Variants in DIAPH3 observed in about 807,000 individuals in gnomAD.
DIAPH3 encodes the protein protein diaphanous homolog 3.
DIAPH3 carries 117 observed loss-of-function variants against 144.3 expected under a neutral mutation model. The ratio of observed to expected loss-of-function variants is 0.81; its 90% CI spans 0.70 to 0.95. The LOEUF (loss-of-function observed/expected upper bound fraction) is 0.95, where lower values mean the gene tolerates loss of function less well. Ranked by LOEUF, DIAPH3 falls within the 40% of genes least tolerant of loss-of-function variation. DIAPH3 has a pLI of 0.00. For synonymous variants in DIAPH3, 519 were observed against 488.9 expected (o/e 1.06, Z -0.81); for missense variants, 1,421 against 1,412.7 (o/e 1.01, Z -0.09).
intron 27 of DIAPH3, among the ~76,000 whole-genome samples, chr13:59,681,144 T>G (rs1236655054): frequency 6.6e-6 from 1 of 152,188 alleles, no homozygotes; most frequent in African/African-American, 2.4e-5. Flanking sequence ...TGAGGTTTAT[T>G]ATGTGGCATA....
In DIAPH3 at chr13:59,965,644, C is replaced by CT. The variant is rs201780437; in HGVS notation, c.2074+4299dup. ...AATTTCAGAGAGATAGATAAACAAT[C>CT]TTTTTTTATAACCTTGTTAAGTCTT... On this transcript the variant is annotated intron_variant, in intron 17 of 27. Coordinates refer to ENST00000400324, the MANE Select transcript of DIAPH3 (RefSeq NM_001042517.2). Among the ~76,000 whole-genome samples, 1,448 of 151,786 alleles carry CT rather than the reference C, an allele frequency of 9.5e-3. 21 individuals are homozygous for CT. The highest frequency in any genetic ancestry group is 0.033 in the African/African-American group (1,379 of 41,432).
At position 59,803,047 on chromosome 13, in the gene DIAPH3, G is replaced by T. The variant is rs184944272; in HGVS notation, c.3163+7741C>A. 1.8e-4 allele frequency among the ~76,000 whole-genome samples: 27 copies of T among 152,286 alleles called. 1 individual carries two copies. In the East Asian group the frequency reaches 4.4e-3, roughly 25 times the overall value. ...CCAGCTAACAAATATTTTAGGCTTT[G>T]TGGGATATATGGTTTATGTTGATTA... On this transcript the variant is annotated intron_variant, in intron 25 of 27. Transcript: ENST00000400324.
At chr13:59,861,251 T>G in intron 22 of DIAPH3, 156 bp downstream of exon 22, 1 of 1,524,814 alleles carries the variant, frequency 6.6e-7, no homozygotes, top group Non-Finnish European at 8.7e-7. Flanking sequence ...TCATGACAAC[T>G]CATAATATCC....
chr13:59,797,515 G>C (rs892149109), intron 25 of DIAPH3, among the ~76,000 whole-genome samples: 1 of 152,094 alleles, frequency 6.6e-6, no homozygotes, highest in Non-Finnish European at 1.5e-5. Context: ...GGAGCCTTGG[G>C]AATGTCTTTC....
intron 4 of DIAPH3, among the ~76,000 whole-genome samples, chr13:60,045,958 T>A (rs2056039435): frequency 6.6e-6 from 1 of 152,202 alleles, no homozygotes; most frequent in Non-Finnish European, 1.5e-5. Context: ...CTTAATTCCT[T>A]TAACAGTTTC....
chr13:60,017,453 T>C (rs941637636), intron 5 of DIAPH3, among the ~76,000 whole-genome samples: 12 of 149,112 alleles, frequency 8.0e-5, no homozygotes, highest in Admixed American at 5.3e-4. Context: ...CTATAAAGAA[T>C]AAAAACAAGC....
At chr13:59,918,208 G>GAAAA (rs571397429) in intron 18 of DIAPH3, among the ~76,000 whole-genome samples, 1 of 95,052 alleles carries the variant, frequency 1.1e-5, no homozygotes. Flanking sequence ...GGCAGCACAG[G>GAAAA]AAAAAAAAAA....
intron 5 of DIAPH3, among the ~76,000 whole-genome samples, chr13:60,035,319 A>G (rs2055129435): frequency 6.6e-6 from 1 of 152,172 alleles, no homozygotes; most frequent in African/African-American, 2.4e-5. Context: ...ATATTTATAC[A>G]ACATTTTGCT....
intron 27 of DIAPH3, among the ~76,000 whole-genome samples, chr13:59,749,590 C>A (rs1480246823): frequency 1.3e-5 from 2 of 148,930 alleles, no homozygotes; most frequent in African/African-American, 2.5e-5. Context: ...TTTATTATAT[C>A]CAATAGGGCT....
At chr13:59,883,962 T>C (rs1284416717) in intron 20 of DIAPH3, among the ~76,000 whole-genome samples, 2 of 152,200 alleles carry the variant, frequency 1.3e-5, no homozygotes, top group Non-Finnish European at 2.9e-5. Context: ...TCTACTTTTG[T>C]TGTCTCTCCA....
intron 1 of DIAPH3, among the ~76,000 whole-genome samples, chr13:60,137,868 C>T (rs111544630): frequency 0.02 from 3,021 of 151,402 alleles, 46 homozygotes; most frequent in Non-Finnish European, 0.031. Context: ...GGACCACAGG[C>T]GTGCACCACC....
chr13:59,907,701 A>C (rs2140215840), intron 20 of DIAPH3, among the ~76,000 whole-genome samples: 1 of 152,322 alleles, frequency 6.6e-6, no homozygotes, highest in African/African-American at 2.4e-5. Flanking sequence ...CAGTGACAAG[A>C]ACCACAAGGA....
intron 17 of DIAPH3, among the ~76,000 whole-genome samples, chr13:59,949,547 A>G (rs1052991391): frequency 3.9e-5 from 6 of 152,204 alleles, no homozygotes; most frequent in African/African-American, 1.4e-4. Flanking sequence ...GGCCAAGACC[A>G]GTTTGCTACC....
intron 25 of DIAPH3, among the ~76,000 whole-genome samples, chr13:59,793,313 C>T (rs2039421471): frequency 6.6e-6 from 1 of 152,168 alleles, no homozygotes; most frequent in Non-Finnish European, 1.5e-5. Context: ...CCTCCTTTCT[C>T]ATTCCTCCCA....
At chr13:59,778,409 G>C (rs1016555712) in intron 25 of DIAPH3, among the ~76,000 whole-genome samples, 2 of 152,212 alleles carry the variant, frequency 1.3e-5, no homozygotes, top group Admixed American at 1.3e-4. Flanking sequence ...ATTATATAGA[G>C]AGTGTTCAAT....
At chr13:59,774,881 A>G in intron 25 of DIAPH3, 58 bp from the exon 26 acceptor site, 1 of 1,418,678 alleles carries the variant, frequency 7.0e-7, no homozygotes, top group Non-Finnish European at 1.0e-6. Flanking sequence ...AGCAATGTCA[A>G]AGCATATACA....
intron 1 of DIAPH3, chr13:60,153,384 T>G (rs1333206619): frequency 6.6e-6 from 1 of 152,138 alleles, no homozygotes; most frequent in Non-Finnish European, 1.5e-5. Context: ...GCTATTTTCT[T>G]TTTAAAAACA....
intron 21 of DIAPH3, among the ~76,000 whole-genome samples, chr13:59,862,202 A>T (rs2043634659): frequency 6.6e-6 from 1 of 152,212 alleles, no homozygotes; most frequent in Non-Finnish European, 1.5e-5. Flanking sequence ...TGACTCCAGA[A>T]TTAAAGTGTA....
chr13:59,708,630 C>G (rs2034558063), intron 27 of DIAPH3, among the ~76,000 whole-genome samples: 1 of 152,066 alleles, frequency 6.6e-6, no homozygotes, highest in South Asian at 2.1e-4. Flanking sequence ...CCTCCTGAGC[C>G]CCAAATGTCC....
Sources: gnomAD v4.1 joint callset for allele counts (sites outside exome capture counted in the v4.1 genomes callset) on GRCh38, gnomAD v4.1.1 for gene constraint, MANE v1.5 for transcripts, NCBI Gene and HGNC (gene_info 2026-07-23, HGNC 2026-07-21) for gene names.